Variants in DAB1 observed in about 807,000 individuals in gnomAD.
DAB1 encodes the protein DAB adaptor protein 1.
DAB1 carries 15 observed loss-of-function variants against 64.6 expected under a neutral mutation model. The ratio of observed to expected loss-of-function variants is 0.23; its 90% confidence interval spans 0.16 to 0.36. The LOEUF (loss-of-function observed/expected upper bound fraction) is 0.36, where lower values mean the gene tolerates loss of function less well. Ranked by LOEUF, DAB1 falls within the 10% of genes least tolerant of loss-of-function variation. DAB1 has a pLI of 1.00. For missense variants in DAB1, 596 were observed against 706.7 expected (o/e 0.84, Z 1.78); for synonymous variants, 235 against 251.9 (o/e 0.93, Z 0.64).
chr1:57,002,793 C>T (rs116682429), intron 14 of DAB1, among the ~76,000 whole-genome samples: 1,880 of 152,300 alleles, frequency 0.012, 44 homozygotes, highest in African/African-American at 0.043. Flanking sequence ...CTTTTTCTTA[C>T]CATCACACAT....
At chr1:58,253,481 A>T (rs150526743) in intron 4 of DAB1, among the ~76,000 whole-genome samples, 455 of 152,358 alleles carry the variant, frequency 3.0e-3, no homozygotes, top group Non-Finnish European at 4.6e-3. Flanking sequence ...AATTAAGAAG[A>T]GGTGTGCACG....
intron 5 of DAB1, 109 bp from the exon 6 acceptor site, chr1:57,071,750 T>C: frequency 9.6e-7 from 1 of 1,039,598 alleles, no homozygotes; most frequent in Non-Finnish European, 1.4e-6. Flanking sequence ...TCTATTAATC[T>C]GAAAGCATTC....
intron 1 of DAB1, among the ~76,000 whole-genome samples, chr1:58,537,519 C>T (rs1024791244): frequency 6.6e-6 from 1 of 151,696 alleles, no homozygotes; most frequent in African/African-American, 2.4e-5. Context: ...TGAGAAGGTC[C>T]AATTTCTACC....
chr1:57,316,739 C>CA (rs1334422619), intron 1 of DAB1, among the ~76,000 whole-genome samples: 1 of 152,134 alleles, frequency 6.6e-6, no homozygotes, highest in Non-Finnish European at 1.5e-5. Context: ...TGCTGGGAGC[C>CA]AAAAAATTCC....
At chr1:57,848,476 A>G (rs1457195625) in intron 1 of DAB1, among the ~76,000 whole-genome samples, 1 of 152,258 alleles carries the variant, frequency 6.6e-6, no homozygotes, top group Non-Finnish European at 1.5e-5. Flanking sequence ...GTAATATAAT[A>G]CTTATCAGTA....
At chr1:57,113,818 T>C (rs1235104483) in intron 4 of DAB1, among the ~76,000 whole-genome samples, 1 of 152,200 alleles carries the variant, frequency 6.6e-6, no homozygotes. Context: ...CTACTAGGTA[T>C]ATATAGCACT....
intron 6 of DAB1, among the ~76,000 whole-genome samples, chr1:57,712,559 G>A (rs1223783125): frequency 1.3e-5 from 2 of 152,112 alleles, no homozygotes; most frequent in Non-Finnish European, 2.9e-5. Context: ...AGGATTCAAG[G>A]TTATCTTAAA....
At chr1:57,565,451 A>G (rs1022475290) in intron 7 of DAB1, among the ~76,000 whole-genome samples, 20 of 152,222 alleles carry the variant, frequency 1.3e-4, no homozygotes, top group African/African-American at 4.8e-4. Context: ...AATGGGCTAA[A>G]TGCTCCAATT....
intron 3 of DAB1, chr1:58,468,743 C>G (rs1232185948): frequency 6.6e-6 from 1 of 152,606 alleles, no homozygotes; most frequent in Non-Finnish European, 1.5e-5. Flanking sequence ...GCCAGGTCAA[C>G]AGGGAGTCCT....
Position 58,380,393 on chromosome 1 carries a change from TC to T in DAB1, n.258-36991del, listed in dbSNP as rs202216567. On this transcript the variant is annotated intron_variant and non_coding_transcript_variant, in intron 3 of 20. Transcript: ENST00000485760. ...TCACGATTGTAAGTTTCCTAAGGCC[TC>T]CCCAGCCATGCGGAACTGTGAGTCA... 8.7e-3 allele frequency among the ~76,000 whole-genome samples: 1,320 copies of T among 152,302 alleles called. 16 individuals carry two copies. The highest frequency in any genetic ancestry group is 0.03 in the African/African-American group (1,242 of 41,566).
intron 4 of DAB1, among the ~76,000 whole-genome samples, chr1:57,098,512 C>G (rs72672635): frequency 0.057 from 8,647 of 152,192 alleles, 329 homozygotes; most frequent in Non-Finnish European, 0.084. Context: ...AATTGCTGAA[C>G]TAACTTTTTC....
At chr1:57,385,154 C>T (rs937227509) in intron 1 of DAB1, among the ~76,000 whole-genome samples, 1 of 152,172 alleles carries the variant, frequency 6.6e-6, no homozygotes, top group African/African-American at 2.4e-5. Flanking sequence ...ACCATATACT[C>T]CCATTGCCCA....
At chr1:58,402,378 C>T (rs535868455) in intron 3 of DAB1, among the ~76,000 whole-genome samples, 43 of 152,278 alleles carry the variant, frequency 2.8e-4, no homozygotes, top group Non-Finnish European at 4.0e-4. Context: ...ATTCTTACTG[C>T]TTTTAAGTAA....
At chr1:57,442,773 G>A (rs1686003120) in intron 7 of DAB1, among the ~76,000 whole-genome samples, 1 of 152,222 alleles carries the variant, frequency 6.6e-6, no homozygotes, top group South Asian at 2.1e-4. Flanking sequence ...CCCTGCGAGT[G>A]TCATTTGCCA....
At chr1:57,493,331 TTC>T (rs753944695) in intron 7 of DAB1, among the ~76,000 whole-genome samples, 16 of 152,034 alleles carry the variant, frequency 1.1e-4, no homozygotes, top group Non-Finnish European at 1.6e-4. Context: ...CCATTCTACT[TTC>T]TGTCTCTCTA....
intron 4 of DAB1, among the ~76,000 whole-genome samples, chr1:58,165,712 G>A (rs1488566626): frequency 1.3e-5 from 2 of 152,292 alleles, no homozygotes; most frequent in Non-Finnish European, 2.9e-5. Context: ...ATTTTGTAGA[G>A]AAAATCCCAG....
chr1:58,267,529 T>G (rs1661199593), intron 4 of DAB1, among the ~76,000 whole-genome samples: 1 of 152,108 alleles, frequency 6.6e-6, no homozygotes, highest in Non-Finnish European at 1.5e-5. Flanking sequence ...CAAGAAGGCT[T>G]TACTTGGCCT....
At chr1:57,551,132 C>T (rs1524705) in intron 7 of DAB1, among the ~76,000 whole-genome samples, 4,494 of 152,236 alleles carry the variant, frequency 0.03, 172 homozygotes, top group Admixed American at 0.12. Context: ...ATAGCACGTT[C>T]GTCTTGACAA....
At position 58,360,378 on chromosome 1, in the gene DAB1, T is replaced by A. The variant is rs997959829; in HGVS notation, n.258-16975A>T. ...AGCTGTTTTGTGACTATAAAACACA[T>A]TTGTGGATGTGAAGGCATTCTGAAA... On this transcript the variant is annotated intron_variant and non_coding_transcript_variant, in intron 3 of 20. Coordinates refer to the DAB1 transcript ENST00000485760. Among the ~76,000 whole-genome samples, 3 of 152,144 alleles carry A rather than the reference T, an allele frequency of 2.0e-5. No homozygotes were observed. In the South Asian group the frequency reaches 6.2e-4, roughly 32 times the overall value.
Sources: gnomAD v4.1 joint callset for allele counts (sites outside exome capture counted in the v4.1 genomes callset) on GRCh38, gnomAD v4.1.1 for gene constraint, MANE v1.5 for transcripts, NCBI Gene and HGNC (gene_info 2026-07-23, HGNC 2026-07-21) for gene names.